PTCHD4: variants seen among roughly 807,000 people sequenced by gnomAD.
The protein encoded by PTCHD4 is patched domain-containing protein 4.
In PTCHD4, 33 loss-of-function variants were observed where a neutral mutation model predicts 58.1. The ratio of observed to expected loss-of-function variants is 0.57; its 90% CI spans 0.43 to 0.76. The LOEUF (loss-of-function observed/expected upper bound fraction) is 0.76. Ranked by LOEUF, PTCHD4 falls within the 30% of genes least tolerant of loss-of-function variation. The pLI, the probability that PTCHD4 is intolerant of heterozygous loss-of-function variation, is 0.00. For synonymous variants in PTCHD4, 478 were observed against 409.6 expected (o/e 1.17, Z -2.02); for missense variants, 1,058 against 1,027.1 (o/e 1.03, Z -0.41).
intron 1 of PTCHD4, among the ~76,000 whole-genome samples, chr6:48,079,130 A>G (rs1055795564): frequency 1.3e-4 from 19 of 151,990 alleles, no homozygotes; most frequent in Non-Finnish European, 2.6e-4. Flanking sequence ...AAAAAAAAAA[A>G]AAAAAGAAAT....
rs2114060753 is a variant in PTCHD4 at position 47,862,681 on chromosome 6, T to G, written c.*15622A>C. Among the ~76,000 whole-genome samples, 1 of 151,960 alleles carries G rather than the reference T, an allele frequency of 6.6e-6. No individual in the cohort carries two copies. Among genetic ancestry groups the G allele is most frequent in the Non-Finnish European group, 1.5e-5 (1 of 67,830 alleles). On this transcript the variant is annotated 3_prime_UTR_variant, in exon 5 of 5. Transcript: ENST00000339488. ...ATGAATCATTTTTCCTTAAGTATTC[T>G]TTTCTTCTATTAGGTTATAAATTAC... is the stretch of plus-strand genomic sequence containing the variant.
At chr6:47,899,942 T>C (rs1764645211) in intron 4 of PTCHD4, 1 of 152,234 alleles carries the variant, frequency 6.6e-6, no homozygotes, top group Non-Finnish European at 1.5e-5. Flanking sequence ...TGCTCATCCA[T>C]ATTGGAGCAT....
chr6:48,014,007 T>A (rs1762783526), intron 3 of PTCHD4, among the ~76,000 whole-genome samples: 1 of 152,116 alleles, frequency 6.6e-6, no homozygotes, highest in Non-Finnish European at 1.5e-5. Context: ...CTAACTCCTC[T>A]GTTGAAGTTG....
chr6:48,008,580 A>G, intron 4 of PTCHD4, 54 bp downstream of exon 4: 3 of 1,552,556 alleles, frequency 1.9e-6, no homozygotes, highest in Admixed American at 1.9e-5. Context: ...CAAGAAATAT[A>G]CTACCTTGCC....
intron 1 of PTCHD4, among the ~76,000 whole-genome samples, chr6:48,091,803 G>A (rs1562046432): frequency 6.6e-6 from 1 of 151,802 alleles, no homozygotes; most frequent in Non-Finnish European, 1.5e-5. Flanking sequence ...GTGCCACCAT[G>A]CCCAGCTAAT....
intron 4 of PTCHD4, among the ~76,000 whole-genome samples, chr6:47,908,159 C>T (rs967866220): frequency 6.6e-6 from 1 of 152,050 alleles, no homozygotes; most frequent in African/African-American, 2.4e-5. Context: ...TCATTGGAAC[C>T]ATAGCCCCAA....
intron 1 of PTCHD4, among the ~76,000 whole-genome samples, chr6:48,094,055 G>T (rs1484167988): frequency 6.6e-6 from 1 of 152,132 alleles, no homozygotes; most frequent in Non-Finnish European, 1.5e-5. Flanking sequence ...ATAGAAAAGA[G>T]GCATAGATTT....
intron 3 of PTCHD4, among the ~76,000 whole-genome samples, chr6:48,065,884 T>A (rs987190984): frequency 6.6e-6 from 1 of 152,222 alleles, no homozygotes; most frequent in Non-Finnish European, 1.5e-5. Flanking sequence ...CTTCTGTTCT[T>A]TTTATGCTAT....
rs1763474880 is a variant in PTCHD4 at position 47,863,201 on chromosome 6, T to A, written c.*15102A>T. On this transcript the variant is annotated 3_prime_UTR_variant, in exon 5 of 5. Coordinates refer to ENST00000339488, the MANE Select transcript of PTCHD4 (RefSeq NM_001384253.1). ...TCAAAATTTTGTTGAGCCTGAAGTG[T>A]ATACATTTTTGGAGTCCCCTTTTAA... 6.6e-6 allele frequency among the ~76,000 whole-genome samples: 1 copy of A among 151,922 alleles called. No homozygotes were observed. Among genetic ancestry groups the A allele is most frequent in the African/African-American group, 2.4e-5 (1 of 41,424 alleles).
At chr6:48,110,648 CACACACACACACAT>C (rs1425780214) in intron 1 of PTCHD4, among the ~76,000 whole-genome samples, 3 of 151,180 alleles carry the variant, frequency 2.0e-5, no homozygotes, top group Non-Finnish European at 4.4e-5. Flanking sequence ...CACACACACA[CACACACACACACAT>C]ACACACACAA....
chr6:48,070,990 T>C (rs1393019548), intron 1 of PTCHD4, among the ~76,000 whole-genome samples: 1 of 152,230 alleles, frequency 6.6e-6, no homozygotes, highest in African/African-American at 2.4e-5. Flanking sequence ...GAAATGGACA[T>C]TGTTGCATAA....
At chr6:48,075,436 T>TG (rs200310316) in intron 1 of PTCHD4, among the ~76,000 whole-genome samples, 59 of 149,070 alleles carry the variant, frequency 4.0e-4, no homozygotes, top group Middle Eastern at 6.9e-3. Context: ...TCAAGTTTTG[T>TG]GGGTTTTTTT....
intron 4 of PTCHD4, among the ~76,000 whole-genome samples, chr6:47,916,194 C>T (rs1276990048): frequency 4.6e-5 from 7 of 152,064 alleles, no homozygotes; most frequent in African/African-American, 9.7e-5. Flanking sequence ...ATTCTCCTCT[C>T]GGTTCCTGTG....
chr6:47,878,726 C>A lies in PTCHD4; in HGVS notation c.2109G>T (p.Trp703Cys). The A allele has an allele frequency of 1.2e-6, 2 of 1,613,596 alleles. No individual in the cohort carries two copies. Among genetic ancestry groups the A allele is most frequent in the Non-Finnish European group, 1.7e-6 (2 of 1,179,772 alleles). Reference protein sequence around the residue: ...ELGVLGLMTLWNVDMDCISIL... With the variant: ...ELGVLGLMTLCNVDMDCISIL... The stretch of plus-strand genomic sequence containing the variant: ...TAGAAATGCAATCCATGTCGACGTT[C>A]CATAATGTCATTAAGCCCAGAACGC... Residue 703 changes from tryptophan to cysteine, a missense_variant, in exon 5 of 5, where the codon TGG becomes TGT. Trp to Cys is a radical substitution (Grantham distance 215). Coordinates refer to ENST00000339488, the MANE Select transcript of PTCHD4 (RefSeq NM_001384253.1).
chr6:47,861,318 A>T lies in PTCHD4; in HGVS notation c.*16985T>A, dbSNP rs1399125193. On this transcript the variant is annotated 3_prime_UTR_variant, in exon 5 of 5. Transcript: ENST00000339488. The stretch of plus-strand genomic sequence containing the variant: ...TCTTTCATAAAACTATTTTTTAAAA[A>T]AATTTTATTTGTGTCTCAATTCTTG... 6.7e-6 allele frequency among the ~76,000 whole-genome samples: 1 copy of T among 148,334 alleles called. No individual in the cohort carries two copies. The highest frequency in any genetic ancestry group is 1.5e-5 in the Non-Finnish European group (1 of 67,116).
intron 4 of PTCHD4, among the ~76,000 whole-genome samples, chr6:47,949,185 A>T (rs1766531554): frequency 1.3e-5 from 2 of 152,208 alleles, no homozygotes; most frequent in Admixed American, 1.3e-4. Context: ...TTGTTAGGAC[A>T]GGCCTCTGTA....
At chr6:47,961,290 T>TC (rs1218381150) in intron 4 of PTCHD4, among the ~76,000 whole-genome samples, 2 of 151,848 alleles carry the variant, frequency 1.3e-5, no homozygotes, top group Non-Finnish European at 2.9e-5. Context: ...TAAATTTCTT[T>TC]CTTTTTTTTT....
intron 3 of PTCHD4, among the ~76,000 whole-genome samples, chr6:48,036,148 T>G (rs1415947633): frequency 1.3e-5 from 2 of 152,048 alleles, no homozygotes; most frequent in Non-Finnish European, 2.9e-5. Flanking sequence ...GGCAAAAAGT[T>G]TAATTTTTTT....
At chr6:48,065,116 G>A (rs1324510776) in intron 3 of PTCHD4, among the ~76,000 whole-genome samples, 1 of 152,106 alleles carries the variant, frequency 6.6e-6, no homozygotes, top group Non-Finnish European at 1.5e-5. Flanking sequence ...GACTCCCTGG[G>A]TGTCTTAATA....
Sources: gnomAD v4.1 joint callset for allele counts (sites outside exome capture counted in the v4.1 genomes callset) on GRCh38, gnomAD v4.1.1 for gene constraint, MANE v1.5 for transcripts, NCBI Gene and HGNC (gene_info 2026-07-23, HGNC 2026-07-21) for gene names.